The following DAAM1 variants were observed in gnomAD, a reference collection of about 807,000 sequenced individuals.
DAAM1 encodes dishevelled associated activator of morphogenesis 1, also known as disheveled-associated activator of morphogenesis 1.
In DAAM1, 52 loss-of-function variants were observed where a neutral mutation model predicts 130.0. The ratio of observed to expected loss-of-function variants is 0.40; its 90% CI spans 0.32 to 0.50. The LOEUF (loss-of-function observed/expected upper bound fraction) is 0.50, where lower values mean the gene tolerates loss of function less well. DAAM1 is among the 20% of genes least tolerant of loss of function. DAAM1 has a pLI of 0.61. For missense variants in DAAM1, 1,134 were observed against 1,303.8 expected, an observed-to-expected ratio of 0.87 and a Z score of 2.01; for synonymous variants, 452 against 444.5, an observed-to-expected ratio of 1.02 and a Z score of -0.21.
At chr14:59,271,730 A>G (rs945574526) in intron 2 of DAAM1, among the ~76,000 whole-genome samples, 1 of 152,216 alleles carries the variant, frequency 6.6e-6, no homozygotes, top group South Asian at 2.1e-4. Flanking sequence ...GGCTGTCAGC[A>G]TAATTTCTCT....
intron 3 of DAAM1, among the ~76,000 whole-genome samples, chr14:59,303,920 A>T (rs1161522380): frequency 6.6e-6 from 1 of 152,144 alleles, no homozygotes. Context: ...TAAATAAAAT[A>T]AAATAAAATA....
intron 3 of DAAM1, among the ~76,000 whole-genome samples, chr14:59,311,888 G>A (rs866038130): frequency 1.3e-5 from 2 of 152,202 alleles, no homozygotes; most frequent in Non-Finnish European, 1.5e-5. Flanking sequence ...TTGGAGAGAT[G>A]GGGTCTTGCT....
chr14:59,337,227 T>G (rs1368479171), intron 15 of DAAM1, among the ~76,000 whole-genome samples: 2 of 152,212 alleles, frequency 1.3e-5, no homozygotes, highest in South Asian at 2.1e-4. Flanking sequence ...AGGAAACTGC[T>G]TTTACAGGAA....
intron 1 of DAAM1, among the ~76,000 whole-genome samples, chr14:59,243,604 C>G (rs986516072): frequency 8.5e-5 from 13 of 152,270 alleles, no homozygotes; most frequent in African/African-American, 2.9e-4. Context: ...TCTGATCCCT[C>G]AATTCAACAA....
intron 3 of DAAM1, among the ~76,000 whole-genome samples, chr14:59,314,480 ATT>A (rs780481713): frequency 7.0e-5 from 10 of 143,006 alleles, no homozygotes; most frequent in South Asian, 2.2e-4. Flanking sequence ...CTGATAACTG[ATT>A]TTTTTTTTTT....
intron 3 of DAAM1, among the ~76,000 whole-genome samples, chr14:59,291,854 G>C (rs1883753752): frequency 6.6e-6 from 1 of 152,142 alleles, no homozygotes. Flanking sequence ...ACTGCTGGTT[G>C]CATGGCCACA....
intron 20 of DAAM1, among the ~76,000 whole-genome samples, chr14:59,356,754 C>G (rs1264452290): frequency 6.6e-6 from 1 of 152,234 alleles, no homozygotes; most frequent in Non-Finnish European, 1.5e-5. Flanking sequence ...TACCAATAAC[C>G]TGGCACTTAC....
rs188184980 is a variant in DAAM1 at position 59,203,401 on chromosome 14, T to A, written c.-38+14633T>A. 2.2e-3 allele frequency among the ~76,000 whole-genome samples: 328 copies of A among 152,252 alleles called. 1 individual carries two copies. Among genetic ancestry groups the A allele is most frequent in the African/African-American group, 7.3e-3 (304 of 41,550 alleles). On this transcript the variant is annotated intron_variant, in intron 1 of 24. Coordinates refer to ENST00000360909, the MANE Select transcript of DAAM1 (RefSeq NM_001270520.2). ...TTGTACAGTGCATATGGATGAATTT[T>A]ATGGTACACAAACTGTATCTCAAAA...
rs374041576 is a variant in DAAM1, at chr14:59,247,879, T to C, written c.-37-15562T>C. On this transcript the variant is annotated intron_variant, in intron 1 of 24. Coordinates refer to ENST00000360909, the MANE Select transcript of DAAM1 (RefSeq NM_001270520.2). ...ATTTTACATTTATCATATACCATGT[T>C]GTGCAACTTGGATGGTTATTTAATA... is the stretch of plus-strand genomic sequence containing the variant. Among the ~76,000 whole-genome samples the C allele has an allele frequency of 5.3e-5, 8 of 152,226 alleles. No homozygotes were observed. The East Asian group carries it at 5.8e-4, about 11-fold the overall frequency.
At chr14:59,334,998 G>A (rs575645302) in intron 15 of DAAM1, among the ~76,000 whole-genome samples, 105 of 152,190 alleles carry the variant, frequency 6.9e-4, no homozygotes, top group Middle Eastern at 3.4e-3. Context: ...AGTTCTCAAT[G>A]GAGCTCTTAT....
At chr14:59,192,153 T>G (rs1468874632) in intron 1 of DAAM1, among the ~76,000 whole-genome samples, 7 of 61,180 alleles carry the variant, frequency 1.1e-4, no homozygotes, top group African/African-American at 4.1e-4. Flanking sequence ...TTAAGGGGTG[T>G]GTGTGTGTGT....
intron 12 of DAAM1, among the ~76,000 whole-genome samples, chr14:59,329,442 C>A (rs950744717): frequency 1.8e-4 from 28 of 152,120 alleles, no homozygotes; most frequent in Non-Finnish European, 1.2e-4. Context: ...GTGGCTTGAA[C>A]TCCTCTCTGT....
chr14:59,238,460 A>G (rs1889373143), intron 1 of DAAM1, among the ~76,000 whole-genome samples: 2 of 152,276 alleles, frequency 1.3e-5, no homozygotes, highest in South Asian at 4.2e-4. Flanking sequence ...TCAGCTCCAC[A>G]GTAACTGAAA....
At chr14:59,223,960 A>G (rs1185030425) in intron 1 of DAAM1, among the ~76,000 whole-genome samples, 1 of 152,214 alleles carries the variant, frequency 6.6e-6, no homozygotes, top group Non-Finnish European at 1.5e-5. Context: ...GCATAATGTC[A>G]TCAGTGTAAT....
At chr14:59,302,263 G>A (rs1264511673) in intron 3 of DAAM1, among the ~76,000 whole-genome samples, 1 of 152,182 alleles carries the variant, frequency 6.6e-6, no homozygotes, top group African/African-American at 2.4e-5. Flanking sequence ...CACCGGGCTG[G>A]AAGAGAGTAG....
At chr14:59,233,847 A>G (rs969222330) in intron 1 of DAAM1, among the ~76,000 whole-genome samples, 7 of 152,196 alleles carry the variant, frequency 4.6e-5, no homozygotes, top group Non-Finnish European at 7.3e-5. Flanking sequence ...TTTTCTGCAT[A>G]TGGCTAGCCA....
chr14:59,215,400 C>T (rs1888545668), intron 1 of DAAM1, among the ~76,000 whole-genome samples: 1 of 152,226 alleles, frequency 6.6e-6, no homozygotes, highest in Admixed American at 6.5e-5. Context: ...CACTGTTCTT[C>T]ACCAGAGTGT....
intron 22 of DAAM1, among the ~76,000 whole-genome samples, chr14:59,361,982 T>G (rs117661987): frequency 1.3e-5 from 2 of 151,924 alleles, no homozygotes; most frequent in Non-Finnish European, 2.9e-5. Flanking sequence ...GTCTAATTTT[T>G]TTTTCAATAA....
intron 23 of DAAM1, 96 bp downstream of exon 23, chr14:59,363,878 G>C: frequency 1.3e-6 from 2 of 1,535,144 alleles, no homozygotes; most frequent in South Asian, 1.2e-5. Flanking sequence ...TAGCAGGAGT[G>C]AGATCCAAAC....
Sources: gnomAD v4.1 joint callset for allele counts (sites outside exome capture counted in the v4.1 genomes callset) on GRCh38, gnomAD v4.1.1 for gene constraint, MANE v1.5 for transcripts, NCBI Gene and HGNC (gene_info 2026-07-23, HGNC 2026-07-21) for gene names.